TMEM220: variants seen among roughly 807,000 people sequenced by gnomAD.
The protein encoded by TMEM220 is transmembrane protein 220.
Under a neutral mutation model 21.7 loss-of-function variants are expected in TMEM220, and 21 were observed. That is an observed-to-expected ratio of 0.97 (90% CI 0.69 to 1.39). The LOEUF (loss-of-function observed/expected upper bound fraction) is 1.39, where lower values mean the gene tolerates loss of function less well. Ranked by LOEUF, TMEM220 falls within the 40% of genes most tolerant of loss-of-function variation. The pLI is 0.00. For missense variants in TMEM220, 191 were observed against 201.9 expected (o/e 0.95, Z 0.33); for synonymous variants, 80 against 73.6 (o/e 1.09, Z -0.45).
intron 5 of TMEM220, 46 bp from the exon 6 acceptor site, chr17:10,715,634 T>C (rs903402839): frequency 6.8e-7 from 1 of 1,466,842 alleles, no homozygotes; most frequent in African/African-American, 1.4e-5. Flanking sequence ...ATGGATTGCT[T>C]TGGAAACAAG....
At chr17:10,716,281 G>T in intron 5 of TMEM220, 1 of 682,986 alleles carries the variant, frequency 1.5e-6, no homozygotes, top group Non-Finnish European at 2.7e-6. Context: ...GTTGGGAGGA[G>T]GCCATAACGC....
rs1272522334 is a variant in TMEM220, at chr17:10,729,774, C to G, written c.72+6G>C. The G allele has an allele frequency of 1.4e-6, 2 of 1,393,144 alleles. No homozygotes were observed. The highest frequency in any genetic ancestry group is 1.9e-6 in the Non-Finnish European group (2 of 1,067,114). 86.3% of individuals were successfully genotyped at this position (1,393,144 alleles called of 1,614,324 possible). On this transcript the variant is annotated splice_donor_region_variant and intron_variant, in intron 1 of 5. Transcript: ENST00000341871. ...GCGGGTCCCCCTCCCACCGCGGCCG[C>G]CTGACCTGCACCAAGGCCGCCAGCG...
chr17:10,720,008 A>T (rs889775263), intron 5 of TMEM220, among the ~76,000 whole-genome samples: 2 of 152,224 alleles, frequency 1.3e-5, no homozygotes, highest in Non-Finnish European at 2.9e-5. Context: ...GCAAGCTAAA[A>T]CTACCCCTTT....
chr17:10,716,009 A>G, intron 5 of TMEM220: 1 of 505,362 alleles, frequency 2.0e-6, no homozygotes, highest in Non-Finnish European at 3.6e-6. Context: ...CTGACACAAA[A>G]TGTTCTTGAT....
At chr17:10,727,977 A>G (rs1451749691) in intron 2 of TMEM220, among the ~76,000 whole-genome samples, 2 of 152,132 alleles carry the variant, frequency 1.3e-5, no homozygotes, top group African/African-American at 2.4e-5. Flanking sequence ...CTTGACCAAC[A>G]TGGAGAAACC....
chr17:10,718,783 G>A (rs369095), intron 5 of TMEM220, among the ~76,000 whole-genome samples: 77,361 of 152,004 alleles, frequency 0.51, 20,414 homozygotes, highest in African/African-American at 0.65. Flanking sequence ...TAACTGCACC[G>A]TGGTCAAATA....
chr17:10,712,918 G>A (rs561342443), downstream of TMEM220, among the ~76,000 whole-genome samples: 2 of 152,164 alleles, frequency 1.3e-5, no homozygotes, highest in African/African-American at 2.4e-5. Context: ...TGGGGAATAC[G>A]TGATTAGATT....
rs1225209070 is a variant in TMEM220 at position 10,715,126 on chromosome 17, T to C, written c.*327A>G. The C allele has an allele frequency of 5.1e-6, 1 of 196,878 alleles. No individual in the cohort carries two copies. Among genetic ancestry groups the C allele is most frequent in the Admixed American group, 6.0e-5 (1 of 16,574 alleles). The allele number at this position is 196,878 out of a possible 1,614,324, so 12.2% of individuals were successfully genotyped here. A position where few individuals can be genotyped will look rare whatever the true frequency, so the allele number is the denominator to read the frequency against. The stretch of plus-strand genomic sequence containing the variant: ...TCTGGCATTAATCCTATTTTATAGA[T>C]AAATATCCACCAGGAGGTTTATATA... On this transcript the variant is annotated 3_prime_UTR_variant, in exon 6 of 6. Coordinates refer to ENST00000341871, the MANE Select transcript of TMEM220 (RefSeq NM_001004313.3).
intron 2 of TMEM220, 134 bp from the exon 3 acceptor site, chr17:10,726,398 G>T (rs943480857): frequency 1.4e-6 from 1 of 726,028 alleles, no homozygotes. Context: ...AAGTTTCAAT[G>T]GTGATTGAGA....
chr17:10,729,693 C>T (rs1479029541), intron 1 of TMEM220, 87 bp downstream of exon 1: 15 of 1,188,590 alleles, frequency 1.3e-5, no homozygotes, highest in East Asian at 3.2e-5. Flanking sequence ...CCCTGCGACT[C>T]TGCCCGCTAG....
intron 1 of TMEM220, 39 bp downstream of exon 1, chr17:10,729,739 TGG>T: frequency 7.6e-7 from 1 of 1,321,740 alleles, no homozygotes; most frequent in Non-Finnish European, 9.7e-7. Flanking sequence ...GGGGCGGAGC[TGG>T]GAGCCGGGCG....
At chr17:10,727,200 G>C (rs1401304850) in intron 2 of TMEM220, among the ~76,000 whole-genome samples, 5 of 151,312 alleles carry the variant, frequency 3.3e-5, no homozygotes, top group Non-Finnish European at 7.4e-5. Flanking sequence ...AGATGGGGGG[G>C]GTCTCGCTAT....
At position 10,729,864 on chromosome 17, in the gene TMEM220, A is replaced by G. The variant is rs3826448; in HGVS notation, c.-13T>C. 0.45 allele frequency: 588,183 copies of G among 1,318,332 alleles called. 134,328 individuals carry two copies. Among genetic ancestry groups the G allele is most frequent in the African/African-American group, 0.65 (42,688 of 65,254 alleles). The allele number at this position is 1,318,332 out of a possible 1,614,324, so 81.7% of individuals were successfully genotyped here. A position where few individuals can be genotyped will look rare whatever the true frequency, so the allele number is the denominator to read the frequency against. On this transcript the variant is annotated 5_prime_UTR_variant, in exon 1 of 6. Transcript: ENST00000341871. ...GCGCTGGCGCCATGGCTCGGAGAACACGGCGCGGGGCGGTGAGTCCTGCCA... is the reference window on the plus strand; with the variant it reads ...GCGCTGGCGCCATGGCTCGGAGAACGCGGCGCGGGGCGGTGAGTCCTGCCA...
At chr17:10,724,736 G>C (rs2075028901) in intron 4 of TMEM220, among the ~76,000 whole-genome samples, 1 of 152,098 alleles carries the variant, frequency 6.6e-6, no homozygotes, top group Non-Finnish European at 1.5e-5. Context: ...GTTACAAGGG[G>C]GCCAAAGTCC....
intron 5 of TMEM220, among the ~76,000 whole-genome samples, chr17:10,718,552 T>TA (rs34889423): frequency 0.13 from 19,914 of 150,082 alleles, 3,909 homozygotes; most frequent in African/African-American, 0.43. Flanking sequence ...CCTGGAAGCT[T>TA]AAAAAAAAAA....
downstream of TMEM220, among the ~76,000 whole-genome samples, chr17:10,712,320 C>T (rs1173169568): frequency 6.6e-6 from 1 of 152,200 alleles, no homozygotes; most frequent in Non-Finnish European, 1.5e-5. Flanking sequence ...CTTGCAAGGA[C>T]ACTTGTGGTA....
intron 2 of TMEM220, among the ~76,000 whole-genome samples, chr17:10,726,995 T>A (rs1274046619): frequency 6.6e-6 from 1 of 152,158 alleles, no homozygotes; most frequent in African/African-American, 2.4e-5. Flanking sequence ...TGTGCTTATA[T>A]CAGAAGATGT....
Position 10,715,137 on chromosome 17 carries a change from C to A in TMEM220, c.*316G>T. On this transcript the variant is annotated 3_prime_UTR_variant, in exon 6 of 6. Coordinates refer to ENST00000341871, the MANE Select transcript of TMEM220 (RefSeq NM_001004313.3). Reference sequence around the variant, plus strand: ...TCCTATTTTATAGATAAATATCCACCAGGAGGTTTATATATTTGCCCAAAT... The same window carrying A: ...TCCTATTTTATAGATAAATATCCACAAGGAGGTTTATATATTTGCCCAAAT... The A allele has an allele frequency of 5.0e-6, 1 of 201,364 alleles. No homozygotes were observed. Among genetic ancestry groups the A allele is most frequent in the African/African-American group, 2.4e-5 (1 of 42,266 alleles). The allele number at this position is 201,364 out of a possible 1,614,324, so 12.5% of individuals were successfully genotyped here.
At chr17:10,729,458 A>G (rs12939885) in intron 1 of TMEM220, among the ~76,000 whole-genome samples, 21,204 of 152,216 alleles carry the variant, frequency 0.14, 1,884 homozygotes, top group Admixed American at 0.25. Flanking sequence ...CTAGGCCCTG[A>G]GATATGTTCA....
Sources: allele counts gnomAD v4.1 joint callset (sites outside exome capture counted in the v4.1 genomes callset), GRCh38; gene constraint gnomAD v4.1.1; transcripts MANE v1.5; gene names NCBI Gene and HGNC (gene_info 2026-07-23, HGNC 2026-07-21).